The following SPEF2 variants were observed in gnomAD, a reference collection of about 807,000 sequenced individuals.
The protein encoded by SPEF2 is sperm flagella and cilia-associated protein 2.
SPEF2 carries 187 observed loss-of-function variants against 224.6 expected under a neutral mutation model. The ratio of observed to expected loss-of-function variants is 0.83; its 90% CI spans 0.74 to 0.94. The LOEUF (loss-of-function observed/expected upper bound fraction) is 0.94, where lower values mean the gene tolerates loss of function less well. SPEF2 is among the 40% of genes least tolerant of loss of function. SPEF2 has a pLI of 0.00. For synonymous variants in SPEF2, 715 were observed against 707.3 expected (o/e 1.01, Z -0.17); for missense variants, 2,170 against 2,135.6 (o/e 1.02, Z -0.32).
chr5:35,702,838 A>G (rs945096829), intron 16 of SPEF2, among the ~76,000 whole-genome samples: 1 of 152,178 alleles, frequency 6.6e-6, no homozygotes, highest in Non-Finnish European at 1.5e-5. Flanking sequence ...AATATATGTA[A>G]CAGCTTTTAA....
intron 21 of SPEF2, among the ~76,000 whole-genome samples, 176 bp from the exon 22 acceptor site, chr5:35,739,743 T>C (rs1747263056): frequency 6.6e-6 from 1 of 152,122 alleles, no homozygotes; most frequent in Non-Finnish European, 1.5e-5. Context: ...ATTTGGAATA[T>C]GAATTTGCTG....
intron 19 of SPEF2, among the ~76,000 whole-genome samples, chr5:35,711,817 AT>A (rs1415213402): frequency 6.6e-6 from 1 of 152,180 alleles, no homozygotes; most frequent in East Asian, 1.9e-4. Context: ...TCACTTCTAA[AT>A]ACAAAAAAAT....
At chr5:35,628,077 G>A (rs1744518345) in intron 1 of SPEF2, among the ~76,000 whole-genome samples, 1 of 152,086 alleles carries the variant, frequency 6.6e-6, no homozygotes, top group South Asian at 2.1e-4. Flanking sequence ...GCCAAAATAT[G>A]CTGTCATCAT....
chr5:35,750,853 C>A (rs752170618), intron 23 of SPEF2, among the ~76,000 whole-genome samples: 23 of 150,340 alleles, frequency 1.5e-4, no homozygotes, highest in Non-Finnish European at 2.8e-4. Flanking sequence ...GGGTATCTAC[C>A]CAGAGGAAAA....
intron 30 of SPEF2, among the ~76,000 whole-genome samples, chr5:35,786,242 G>C (rs959894866): frequency 2.0e-5 from 3 of 152,222 alleles, no homozygotes; most frequent in Non-Finnish European, 4.4e-5. Context: ...CCCAATGCTT[G>C]AGTAAGAAAA....
chr5:35,738,881 T>C (rs1747105541), intron 21 of SPEF2, among the ~76,000 whole-genome samples: 1 of 152,110 alleles, frequency 6.6e-6, no homozygotes, highest in Non-Finnish European at 1.5e-5. Context: ...GCTAATTTCT[T>C]TGGAACATTG....
intron 29 of SPEF2, among the ~76,000 whole-genome samples, chr5:35,777,883 G>A (rs374992295): frequency 6.6e-6 from 1 of 152,074 alleles, no homozygotes; most frequent in Admixed American, 6.6e-5. Flanking sequence ...ACAGAGTATC[G>A]TGCCGGGCTA....
chr5:35,626,100 C>A (rs754149249), intron 1 of SPEF2, among the ~76,000 whole-genome samples: 3 of 152,074 alleles, frequency 2.0e-5, no homozygotes, highest in African/African-American at 4.8e-5. Context: ...GTGTTCCAGG[C>A]GGTACAATAG....
chr5:35,659,232 C>CAGAA (rs754462550), intron 8 of SPEF2, 25 bp downstream of exon 8: 1 of 1,550,808 alleles, frequency 6.4e-7, no homozygotes, highest in South Asian at 1.2e-5. Context: ...CCTTAGAAAT[C>CAGAA]TTTCTAAGGT....
intron 33 of SPEF2, among the ~76,000 whole-genome samples, chr5:35,798,999 T>C (rs1041720660): frequency 3.3e-5 from 5 of 152,234 alleles, no homozygotes; most frequent in African/African-American, 1.2e-4. Flanking sequence ...GTTAAACCTG[T>C]TCATAGTTGT....
chr5:35,765,831 TTACTC>T (rs1471662774), intron 26 of SPEF2, among the ~76,000 whole-genome samples: 4 of 152,132 alleles, frequency 2.6e-5, no homozygotes, highest in Non-Finnish European at 1.5e-5. Context: ...CATATCCTGT[TTACTC>T]TAGAGGTTTT....
chr5:35,688,525 T>A (rs916687954), intron 10 of SPEF2, among the ~76,000 whole-genome samples: 1 of 152,204 alleles, frequency 6.6e-6, no homozygotes, highest in African/African-American at 2.4e-5. Flanking sequence ...TGCTTTTTTT[T>A]ATTTTAACCT....
chr5:35,785,913 A>G (rs1755052061), intron 30 of SPEF2, among the ~76,000 whole-genome samples: 3 of 152,092 alleles, frequency 2.0e-5, no homozygotes, highest in Admixed American at 2.0e-4. Flanking sequence ...CTTTGCCTGG[A>G]ATACCCTTCC....
intron 32 of SPEF2, among the ~76,000 whole-genome samples, chr5:35,793,759 C>CAT (rs1554059229): frequency 0.049 from 6,983 of 141,282 alleles, 812 homozygotes; most frequent in African/African-American, 0.11. Context: ...CACACACACA[C>CAT]ACACACACAG....
At chr5:35,743,885 A>C (rs1280074647) in intron 23 of SPEF2, among the ~76,000 whole-genome samples, 2 of 152,170 alleles carry the variant, frequency 1.3e-5, no homozygotes, top group Admixed American at 6.5e-5. Context: ...TTTCATCCCC[A>C]CAACCACCCT....
chr5:35,773,256 T>C (rs1202292308), intron 27 of SPEF2, among the ~76,000 whole-genome samples: 2 of 152,114 alleles, frequency 1.3e-5, no homozygotes, highest in African/African-American at 2.4e-5. Context: ...GGCACACATC[T>C]GTAGTCCCAG....
At chr5:35,813,483 C>A (rs1319711726) in intron 36 of SPEF2, among the ~76,000 whole-genome samples, 1 of 152,118 alleles carries the variant, frequency 6.6e-6, no homozygotes, top group Non-Finnish European at 1.5e-5. Flanking sequence ...CAGAGCGAAA[C>A]TCTATTTCTA....
Position 35,670,072 on chromosome 5 carries a change from A to AT in SPEF2, c.1369_1370insT (p.Lys457IlefsTer5). On this transcript the variant is annotated frameshift_variant, in exon 10 of 37. Transcript: ENST00000356031. LOFTEE classifies it high-confidence loss of function. The stretch of plus-strand genomic sequence containing the variant: ...TTTGTGCGATAGTCTGATTCCGTAT[A>AT]AGTTGATGCATGATTGGAAGGAACT... 3 of 1,603,896 alleles carry AT rather than the reference A, an allele frequency of 1.9e-6. No individual in the cohort carries two copies. The highest frequency in any genetic ancestry group is 2.6e-6 in the Non-Finnish European group (3 of 1,176,140).
chr5:35,659,132 A>C lies in SPEF2; in HGVS notation c.1092A>C (p.Gln364His). Residue 364 changes from glutamine to histidine, a missense_variant, in exon 8 of 37, where the codon CAA (glutamine) becomes CAC (histidine). Transcript: ENST00000356031. ...HVRHEKEVLW[Q>H]NRIFREKQHE... ...GGCATGAAAAGGAAGTTTTATGGCA[A>C]AACAGAATTTTCAGAGAAAAACAAC... 1 of 1,613,462 alleles carries C rather than the reference A, an allele frequency of 6.2e-7. No individual in the cohort carries two copies. Among genetic ancestry groups the C allele is most frequent in the Non-Finnish European group, 8.5e-7 (1 of 1,179,650 alleles).
Sources: gnomAD v4.1 joint callset for allele counts (sites outside exome capture counted in the v4.1 genomes callset) on GRCh38, gnomAD v4.1.1 for gene constraint, MANE v1.5 for transcripts, NCBI Gene and HGNC (gene_info 2026-07-23, HGNC 2026-07-21) for gene names.